JAKMIP2: variants seen among roughly 807,000 people sequenced by gnomAD.
JAKMIP2 encodes the protein janus kinase and microtubule-interacting protein 2.
JAKMIP2 carries 25 observed loss-of-function variants against 115.0 expected under a neutral mutation model. The ratio of observed to expected loss-of-function variants is 0.22; its 90% CI spans 0.16 to 0.30. The LOEUF (loss-of-function observed/expected upper bound fraction) is 0.30, where lower values mean the gene tolerates loss of function less well. Among genes scored for constraint, JAKMIP2 ranks in the 10% least tolerant of loss-of-function variants. JAKMIP2 has a pLI of 1.00. For missense variants in JAKMIP2, 642 were observed against 957.6 expected, an observed-to-expected ratio of 0.67 and a Z score of 4.35; for synonymous variants, 334 against 343.6, an observed-to-expected ratio of 0.97 and a Z score of 0.31.
At position 147,624,953 on chromosome 5, in the gene JAKMIP2, A is replaced by G. The variant is rs117359459; in HGVS notation, c.1996-1264T>C. On this transcript the variant is annotated intron_variant, in intron 16 of 21. Transcript: ENST00000616793. ...GTATTGGATGTACTAGTGGTATCTC[A>G]CTACAAGGTACTATTTATTTATTTA... Among the ~76,000 whole-genome samples the G allele has an allele frequency of 1.6e-3, 238 of 147,484 alleles. 6 individuals are homozygous for G. In the East Asian group the frequency reaches 0.043, roughly 27 times the overall value.
intron 1 of JAKMIP2, among the ~76,000 whole-genome samples, chr5:147,740,888 G>C (rs1754119881): frequency 6.6e-6 from 1 of 152,208 alleles, no homozygotes; most frequent in African/African-American, 2.4e-5. Flanking sequence ...AAAATGAGCT[G>C]TGGCTTTCTT....
intron 1 of JAKMIP2, among the ~76,000 whole-genome samples, chr5:147,781,229 AACAATCCT>A (rs1405009795): frequency 2.6e-5 from 4 of 152,198 alleles, no homozygotes; most frequent in African/African-American, 9.7e-5. Context: ...AGATTTTCAA[AACAATCCT>A]ACTTTCCTAC....
chr5:147,635,925 GTA>G (rs148948409), intron 12 of JAKMIP2, among the ~76,000 whole-genome samples: 3 of 150,302 alleles, frequency 2.0e-5, no homozygotes, highest in African/African-American at 7.2e-5. Flanking sequence ...GTGCGTGTAT[GTA>G]TATATATATG....
intron 1 of JAKMIP2, among the ~76,000 whole-genome samples, chr5:147,762,374 G>A (rs931898275): frequency 6.6e-6 from 1 of 152,036 alleles, no homozygotes; most frequent in African/African-American, 2.4e-5. Flanking sequence ...CTGTGTATTA[G>A]TTTGCCAGGG....
At position 147,774,092 on chromosome 5, in the gene JAKMIP2, T is replaced by TA. The variant is rs1171942366; in HGVS notation, c.-149+8363dup. 3.9e-5 allele frequency among the ~76,000 whole-genome samples: 6 copies of TA among 152,186 alleles called. 1 individual carries two copies. Among genetic ancestry groups the TA allele is most frequent in the African/African-American group, 1.4e-4 (6 of 41,462 alleles). ...ATTCAAATGTTTTCCATAATATAGC[T>TA]AAAAATAATATATTCTCTAAAATAC... On this transcript the variant is annotated intron_variant, in intron 1 of 21. Coordinates refer to ENST00000616793, the MANE Select transcript of JAKMIP2 (RefSeq NM_001270941.2).
intron 1 of JAKMIP2, among the ~76,000 whole-genome samples, chr5:147,737,206 T>C (rs979602774): frequency 6.6e-6 from 1 of 152,222 alleles, no homozygotes; most frequent in African/African-American, 2.4e-5. Context: ...CAGAAGCATA[T>C]GATTATCACA....
At chr5:147,749,227 CAAT>C (rs1052845677) in intron 1 of JAKMIP2, among the ~76,000 whole-genome samples, 19 of 150,476 alleles carry the variant, frequency 1.3e-4, no homozygotes, top group Admixed American at 1.2e-3. Context: ...TAGGGCTAAA[CAAT>C]AACAGCAAAA....
chr5:147,592,693 C>G (rs191567513), intron 21 of JAKMIP2, among the ~76,000 whole-genome samples: 130 of 152,284 alleles, frequency 8.5e-4, no homozygotes, highest in Non-Finnish European at 1.7e-3. Flanking sequence ...CTTCTCTAAG[C>G]CTCAATCTCC....
At chr5:147,687,071 T>C (rs1462092667) in intron 1 of JAKMIP2, among the ~76,000 whole-genome samples, 2 of 152,104 alleles carry the variant, frequency 1.3e-5, no homozygotes, top group Admixed American at 6.5e-5. Context: ...CCTATAATAT[T>C]CTAGATCATC....
chr5:147,627,506 A>T (rs1219830472), intron 16 of JAKMIP2, among the ~76,000 whole-genome samples: 1 of 152,064 alleles, frequency 6.6e-6, no homozygotes, highest in African/African-American at 2.4e-5. Flanking sequence ...CTAAATTTGG[A>T]CCTTCTGTTA....
chr5:147,669,426 A>G (rs1408504696), intron 2 of JAKMIP2, among the ~76,000 whole-genome samples: 2 of 152,226 alleles, frequency 1.3e-5, no homozygotes, highest in African/African-American at 4.8e-5. Context: ...CTGCGGGCTT[A>G]GACAACGGTG....
At chr5:147,593,516 T>C (rs1360265241) in intron 21 of JAKMIP2, among the ~76,000 whole-genome samples, 1 of 150,260 alleles carries the variant, frequency 6.7e-6, no homozygotes, top group Non-Finnish European at 1.5e-5. Context: ...GAGGAAGAGT[T>C]CTCGTAGAGT....
Position 147,606,782 on chromosome 5 carries a change from A to G in JAKMIP2, c.2413-4971T>C, listed in dbSNP as rs1354527046. Among the ~76,000 whole-genome samples the G allele has an allele frequency of 2.0e-5, 3 of 152,144 alleles. No individual in the cohort carries two copies. In the East Asian group the frequency reaches 5.8e-4, roughly 29 times the overall value. Reference sequence around the variant, plus strand: ...ATAAATTACTTTGGGCAGTATGGCCATTTTCATGATACTGATTCTTTCTAT... The same window carrying G: ...ATAAATTACTTTGGGCAGTATGGCCGTTTTCATGATACTGATTCTTTCTAT... On this transcript the variant is annotated intron_variant, in intron 20 of 21. Transcript: ENST00000616793.
Position 147,589,378 on chromosome 5 carries a change from T to C in JAKMIP2, c.*2329A>G, listed in dbSNP as rs7443883. 0.95 allele frequency: 143,976 copies of C among 151,220 alleles called. 68,899 individuals are homozygous for C. Among genetic ancestry groups the C allele is most frequent in the East Asian group, 1 (5,092 of 5,092 alleles). The allele number at this position is 151,220 out of a possible 1,614,324, so 9.4% of individuals were successfully genotyped here. A position where few individuals can be genotyped will look rare whatever the true frequency, so the allele number is the denominator to read the frequency against. The stretch of plus-strand genomic sequence containing the variant: ...AGGAGAATCACTTGAATCCAGGAGG[T>C]GGAGCTTGCCATGAGCCGAGATTGT... On this transcript the variant is annotated 3_prime_UTR_variant, in exon 22 of 22. Transcript: ENST00000616793.
At chr5:147,753,393 C>T (rs1026169163) in intron 1 of JAKMIP2, among the ~76,000 whole-genome samples, 3 of 152,122 alleles carry the variant, frequency 2.0e-5, no homozygotes, top group Non-Finnish European at 4.4e-5. Context: ...AGCACAGATG[C>T]CTTTCCTACA....
At chr5:147,719,740 GTC>G (rs1301193141) in intron 1 of JAKMIP2, among the ~76,000 whole-genome samples, 1 of 150,638 alleles carries the variant, frequency 6.6e-6, no homozygotes, top group Non-Finnish European at 1.5e-5. Context: ...GCCTATGTGT[GTC>G]TCTGCATGTG....
At chr5:147,756,357 A>G (rs1460112416) in intron 1 of JAKMIP2, among the ~76,000 whole-genome samples, 1 of 152,156 alleles carries the variant, frequency 6.6e-6, no homozygotes, top group Non-Finnish European at 1.5e-5. Context: ...TGGTACACAC[A>G]CAAATTAGAG....
At chr5:147,780,939 C>T (rs1266628859) in intron 1 of JAKMIP2, among the ~76,000 whole-genome samples, 2 of 152,058 alleles carry the variant, frequency 1.3e-5, no homozygotes, top group African/African-American at 4.8e-5. Context: ...ATACACTTTA[C>T]CTACATAATT....
chr5:147,685,749 GTAGA>G (rs930543327), intron 1 of JAKMIP2, among the ~76,000 whole-genome samples: 5 of 152,134 alleles, frequency 3.3e-5, no homozygotes, highest in Admixed American at 3.3e-4. Flanking sequence ...TTAAAATGAA[GTAGA>G]TAGCATATAT....
Sources: allele counts gnomAD v4.1 joint callset (sites outside exome capture counted in the v4.1 genomes callset), GRCh38; gene constraint gnomAD v4.1.1; transcripts MANE v1.5; gene names NCBI Gene and HGNC (gene_info 2026-07-23, HGNC 2026-07-21).